LLGL2: variants seen among roughly 807,000 people sequenced by gnomAD.
LLGL2 encodes LLGL scribble cell polarity complex component 2.
A neutral mutation model predicts 123.2 loss-of-function variants in LLGL2; 81 were observed. That is an observed-to-expected ratio of 0.66 (90% CI 0.55 to 0.79). The LOEUF is 0.79. LLGL2 is among the 30% of genes least tolerant of loss of function. The pLI is 0.00. For synonymous variants in LLGL2, 577 were observed against 594.1 expected (o/e 0.97, Z 0.42); for missense variants, 1,273 against 1,414.6 (o/e 0.90, Z 1.61).
Position 75,574,632 on chromosome 17 carries a change from C to A in LLGL2, c.3019C>A (p.Arg1007=). ...DRGSGNWRSH[R]AAVGCSLSNG... is the part of the protein sequence containing the mutation. ...CAGGAGCGGCAACTGGCGTTCACAT[C>A]GAGCCGCCGTGGGGTGCAGCCTCAG... Residue 1007 remains arginine, a synonymous_variant, in exon 25 of 26, where the codon CGA becomes AGA. Coordinates refer to ENST00000392550, the MANE Select transcript of LLGL2 (RefSeq NM_001031803.2). The A allele has an allele frequency of 6.2e-7, 1 of 1,612,310 alleles. No homozygotes were observed. Among genetic ancestry groups the A allele is most frequent in the Non-Finnish European group, 8.5e-7 (1 of 1,179,662 alleles).
At chr17:75,532,127 T>C (rs4788896) in intron 1 of LLGL2, among the ~76,000 whole-genome samples, 123,799 of 138,430 alleles carry the variant, frequency 0.89, 56,064 homozygotes, top group African/African-American at 0.98. Flanking sequence ...GTGGCCCAGG[T>C]TGGAGTGCAA....
rs969713987 is a variant in LLGL2 at position 75,564,472 on chromosome 17, G to C, written c.1001G>C (p.Gly334Ala). The change falls in exon 10 of 26, where the codon GGC becomes GCC. Residue 334 changes from glycine to alanine, a missense_variant. Transcript: ENST00000392550. This position sits in a 1 kb window ranked among gnomAD's most constrained non-coding sequence, Gnocchi z 4.9. Reference protein sequence around the residue: ...TAFDFTSRVIGFTVLTEADPA... With the variant: ...TAFDFTSRVIAFTVLTEADPA... Reference sequence around the variant, plus strand: ...TTCGACTTCACCTCCCGTGTCATCGGCTTCACTGTCCTCACAGAGGCAGAC... The same window carrying C: ...TTCGACTTCACCTCCCGTGTCATCGCCTTCACTGTCCTCACAGAGGCAGAC... 3.8e-5 allele frequency: 61 copies of C among 1,613,198 alleles called. No homozygotes were observed. Among genetic ancestry groups the C allele is most frequent in the Non-Finnish European group, 5.1e-5 (60 of 1,180,014 alleles).
In LLGL2 at chr17:75,574,221, C is replaced by A; in HGVS notation, c.2914C>A (p.Pro972Thr). 1 of 1,539,178 alleles carries A rather than the reference C, an allele frequency of 6.5e-7. No individual in the cohort carries two copies. Among genetic ancestry groups the A allele is most frequent in the Non-Finnish European group, 8.8e-7 (1 of 1,141,192 alleles). ...GTQSDGEEKQ[P>T]GLVMERALLS... Reference sequence around the variant, plus strand: ...CGGCCTCTACCTTCCAGAGAAGCAGCCCGGCCTGGTGATGGAGCGCGCTCT... The same window carrying A: ...CGGCCTCTACCTTCCAGAGAAGCAGACCGGCCTGGTGATGGAGCGCGCTCT... Residue 972 changes from proline to threonine, a missense_variant, in exon 23 of 26, where the codon CCC (proline) becomes ACC (threonine). Pro to Thr is a conservative substitution (Grantham distance 38, BLOSUM62 -1). Transcript: ENST00000392550.
chr17:75,565,553 C>T (rs913141675), intron 10 of LLGL2, among the ~76,000 whole-genome samples: 2 of 152,186 alleles, frequency 1.3e-5, no homozygotes, highest in African/African-American at 2.4e-5. Flanking sequence ...TGGCACAGAG[C>T]GGGGGCCTCT....
In LLGL2 at chr17:75,570,122, G is replaced by A. The variant is rs371276273; in HGVS notation, c.1741G>A (p.Val581Met). ...VRFEPGFQPF[V>M]LVQCQPPAVV... ...CTTTGAGCCTGGCTTTCAGCCCTTCGTGTTGGTGCAGTGTCAGCCCCCGGC... is the reference window on the plus strand; with the variant it reads ...CTTTGAGCCTGGCTTTCAGCCCTTCATGTTGGTGCAGTGTCAGCCCCCGGC... The change falls in exon 15 of 26, where the codon GTG becomes ATG. Residue 581 changes from valine to methionine, a missense_variant. Physicochemically the swap from Val to Met is conservative, Grantham distance 21. Transcript: ENST00000392550. The A allele has an allele frequency of 2.3e-5, 37 of 1,600,660 alleles. No individual in the cohort carries two copies. The highest frequency in any genetic ancestry group is 1.3e-4 in the South Asian group (12 of 89,572).
intron 1 of LLGL2, among the ~76,000 whole-genome samples, chr17:75,531,066 G>T (rs1414882309): frequency 6.6e-6 from 1 of 152,100 alleles, no homozygotes; most frequent in Non-Finnish European, 1.5e-5. Context: ...TGCTTGCTGG[G>T]TACACCCTCC....
rs1312328629 is a variant in LLGL2, at chr17:75,569,016, G to C, written c.1361G>C (p.Gly454Ala). The change falls in exon 13 of 26, where the codon GGT becomes GCT. Residue 454 changes from glycine (G) to alanine (A), a missense_variant. By Grantham distance (60) the Gly-to-Ala change is moderately conservative. Coordinates refer to ENST00000392550, the MANE Select transcript of LLGL2 (RefSeq NM_001031803.2). Reference sequence around the variant, plus strand: ...ACGGTGCGGTTCTGGGATGCCTCGGGTGTCTGCCTGCGGCTGCTCTACAAA... The same window carrying C: ...ACGGTGCGGTTCTGGGATGCCTCGGCTGTCTGCCTGCGGCTGCTCTACAAA... ...DGTVRFWDAS[G>A]VCLRLLYKLS... 6.2e-7 allele frequency: 1 copy of C among 1,613,210 alleles called. No individual in the cohort carries two copies. The highest frequency in any genetic ancestry group is 8.5e-7 in the Non-Finnish European group (1 of 1,179,822).
At chr17:75,566,627 T>A (rs185269102) in intron 10 of LLGL2, among the ~76,000 whole-genome samples, 3 of 152,294 alleles carry the variant, frequency 2.0e-5, no homozygotes, top group Admixed American at 6.5e-5. Context: ...TTGACAGGAA[T>A]AGGCAGGAGG....
intron 1 of LLGL2, among the ~76,000 whole-genome samples, chr17:75,528,529 A>G (rs1402247085): frequency 6.6e-6 from 1 of 152,152 alleles, no homozygotes; most frequent in Non-Finnish European, 1.5e-5. Context: ...GCCTGAGGTC[A>G]GGAGTTTGAG....
At chr17:75,574,317 G>A in intron 23 of LLGL2, 57 bp downstream of exon 23, 2 of 1,522,238 alleles carry the variant, frequency 1.3e-6, no homozygotes, top group Admixed American at 2.1e-5. Flanking sequence ...GGGGGTCAGG[G>A]TCAAGGGAGG....
chr17:75,543,348 G>C (rs536311399), intron 1 of LLGL2, 49 bp from the exon 2 acceptor site: 4 of 1,364,642 alleles, frequency 2.9e-6, no homozygotes, highest in South Asian at 1.3e-5. Flanking sequence ...GGGCCTAATC[G>C]ATACCTGAGT....
At chr17:75,533,220 T>C (rs1229525598) in intron 1 of LLGL2, among the ~76,000 whole-genome samples, 10 of 149,350 alleles carry the variant, frequency 6.7e-5, no homozygotes, top group African/African-American at 2.2e-4. Context: ...AGGATGGTCT[T>C]GATCTCCTGA....
At position 75,569,034 on chromosome 17, in the gene LLGL2, TCTA is replaced by T; in HGVS notation, c.1381_1383del (p.Tyr461del). ...GCCTCGGGTGTCTGCCTGCGGCTGC[TCTA>T]CAAACTCAGCACTGTGCGCGTGTTC... On this transcript the variant is annotated inframe_deletion, in exon 13 of 26. Coordinates refer to ENST00000392550, the MANE Select transcript of LLGL2 (RefSeq NM_001031803.2). 1.9e-6 allele frequency: 3 copies of T among 1,612,876 alleles called. No individual in the cohort carries two copies. Among genetic ancestry groups the T allele is most frequent in the Non-Finnish European group, 2.5e-6 (3 of 1,179,692 alleles).
At chr17:75,574,360 G>A in intron 23 of LLGL2, 93 bp from the exon 24 acceptor site, 1 of 1,534,118 alleles carries the variant, frequency 6.5e-7, no homozygotes, top group East Asian at 2.5e-5. Context: ...GCGGGGTACA[G>A]ATCCATGGGC....
intron 10 of LLGL2, among the ~76,000 whole-genome samples, chr17:75,566,142 G>C (rs960149314): frequency 6.6e-6 from 1 of 152,204 alleles, no homozygotes; most frequent in Non-Finnish European, 1.5e-5. Flanking sequence ...AGGGCTCTTG[G>C]CTTGCTCCAA....
chr17:75,543,342 C>T, intron 1 of LLGL2, 55 bp from the exon 2 acceptor site: 1 of 1,305,728 alleles, frequency 7.7e-7, no homozygotes, highest in Non-Finnish European at 1.1e-6. Flanking sequence ...TGGGCCGGGC[C>T]TAATCGATAC....
Position 75,570,049 on chromosome 17 carries a change from C to T in LLGL2, c.1668C>T (p.Tyr556=), listed in dbSNP as rs1365092072. The T allele has an allele frequency of 6.2e-7, 1 of 1,612,802 alleles. No homozygotes were observed. Among genetic ancestry groups the T allele is most frequent in the Non-Finnish European group, 8.5e-7 (1 of 1,179,870 alleles). ...ACCTGCTGCAGGACCAAGAGGGCTA[C>T]CGCTGGAAGGGGCACGAGCGCCTGG... is the stretch of plus-strand genomic sequence containing the variant. ...EADLLQDQEG[Y]RWKGHERLAA... The change falls in exon 15 of 26, where the codon TAC becomes TAT. Residue 556 remains tyrosine, a synonymous_variant. Transcript: ENST00000392550.
At chr17:75,557,721 G>A (rs1228778983) in intron 3 of LLGL2, 2 of 323,266 alleles carry the variant, frequency 6.2e-6, no homozygotes, top group South Asian at 2.5e-5. Flanking sequence ...TCATTGCCAG[G>A]CCACAGCCAG....
rs555209743 is a variant in LLGL2, at chr17:75,575,027, G to A, written c.*149G>A. 6.0e-5 allele frequency: 67 copies of A among 1,120,004 alleles called. No individual in the cohort carries two copies. The highest frequency in any genetic ancestry group is 2.0e-4 in the Middle Eastern group (1 of 4,884). 69.4% of individuals were successfully genotyped at this position (1,120,004 alleles called of 1,614,324 possible). A position where few individuals can be genotyped will look rare whatever the true frequency, so the allele number is the denominator to read the frequency against. ...CCACAATGCAGCTGCTCTGGGCCTCGGGAGAGGAGAGACCCCAGTCCCCTG... is the reference window on the plus strand; with the variant it reads ...CCACAATGCAGCTGCTCTGGGCCTCAGGAGAGGAGAGACCCCAGTCCCCTG... On this transcript the variant is annotated 3_prime_UTR_variant, in exon 26 of 26. Transcript: ENST00000392550.
Sources: allele counts gnomAD v4.1 joint callset (sites outside exome capture counted in the v4.1 genomes callset), GRCh38; gene constraint gnomAD v4.1.1; non-coding constraint Gnocchi (gnomAD v3.1); transcripts MANE v1.5; gene names NCBI Gene and HGNC (gene_info 2026-07-23, HGNC 2026-07-21).